ACTR3C: variants seen among roughly 807,000 people sequenced by gnomAD.
The protein encoded by ACTR3C is actin-related protein 3C.
Under a neutral mutation model 26.3 loss-of-function variants are expected in ACTR3C, and 18 were observed. The observed-to-expected ratio is 0.68, with a 90% CI of 0.47 to 1.01. ACTR3C has a LOEUF of 1.01. ACTR3C is among the 50% of genes least tolerant of loss of function. The pLI, the probability that ACTR3C is intolerant of heterozygous loss-of-function variation, is 0.00. For missense variants in ACTR3C, 184 were observed against 250.7 expected, an observed-to-expected ratio of 0.73 and a Z score of 1.80; for synonymous variants, 55 against 94.5, an observed-to-expected ratio of 0.58 and a Z score of 2.42.
chr7:150,014,948 C>T, the ACTR3C span, among the ~76,000 whole-genome samples: 1 of 152,192 alleles, frequency 6.6e-6, no homozygotes, highest in Non-Finnish European at 1.5e-5. Flanking sequence ...GATCAATTTT[C>T]CACCTTTCCC....
the ACTR3C span, among the ~76,000 whole-genome samples, chr7:150,113,488 C>A: frequency 6.6e-6 from 1 of 152,134 alleles, no homozygotes. Context: ...AGTGATTCAA[C>A]GTAAGTAAAT....
At chr7:149,934,346 C>T in the ACTR3C span, among the ~76,000 whole-genome samples, 32 of 152,166 alleles carry the variant, frequency 2.1e-4, no homozygotes, top group African/African-American at 7.5e-4. Flanking sequence ...AGTTTGACTC[C>T]GTACCTGCTG....
At chr7:150,155,809 C>T in the ACTR3C span, among the ~76,000 whole-genome samples, 2 of 143,268 alleles carry the variant, frequency 1.4e-5, no homozygotes, top group African/African-American at 5.3e-5. Flanking sequence ...CCCCTCTCTG[C>T]TCATTCCTCC....
chr7:150,285,422 A>C (rs1253805502), intron 5 of ACTR3C, among the ~76,000 whole-genome samples: 1 of 152,242 alleles, frequency 6.6e-6, no homozygotes, highest in Non-Finnish European at 1.5e-5. Context: ...AACGAATTCA[A>C]CTCAATTACA....
At chr7:150,082,952 T>C in the ACTR3C span, among the ~76,000 whole-genome samples, 23 of 141,230 alleles carry the variant, frequency 1.6e-4, 1 homozygote, top group African/African-American at 6.3e-4. Context: ...TTTTTCTTTT[T>C]TTTTTTTTTT....
chr7:150,032,057 A>G, the ACTR3C span, among the ~76,000 whole-genome samples: 61 of 152,246 alleles, frequency 4.0e-4, no homozygotes, highest in African/African-American at 1.4e-3. Context: ...GGTCTATTTC[A>G]TCTCTGCCTT....
chr7:149,930,920 T>C, the ACTR3C span, among the ~76,000 whole-genome samples: 10 of 152,216 alleles, frequency 6.6e-5, no homozygotes, highest in Non-Finnish European at 1.5e-5. Flanking sequence ...GGCTAGAGTG[T>C]AGTGATGCAA....
At chr7:150,099,325 A>G in the ACTR3C span, among the ~76,000 whole-genome samples, 7 of 152,170 alleles carry the variant, frequency 4.6e-5, no homozygotes, top group African/African-American at 1.7e-4. Context: ...AACAGGGTTT[A>G]CGTACATAAG....
the ACTR3C span, among the ~76,000 whole-genome samples, chr7:150,226,243 G>C: frequency 6.6e-6 from 1 of 152,202 alleles, no homozygotes; most frequent in Non-Finnish European, 1.5e-5. Flanking sequence ...CATATGGTGA[G>C]AGTATGTTTA....
At chr7:150,180,876 T>C in the ACTR3C span, among the ~76,000 whole-genome samples, 1 of 150,562 alleles carries the variant, frequency 6.6e-6, no homozygotes, top group African/African-American at 2.5e-5. Context: ...ATAGTGTTCT[T>C]GTCACCTGAA....
At chr7:149,917,472 T>C in the ACTR3C span, among the ~76,000 whole-genome samples, 4 of 152,182 alleles carry the variant, frequency 2.6e-5, no homozygotes, top group African/African-American at 4.8e-5. Flanking sequence ...GACTTTTCAG[T>C]TCTGCAAAGT....
At chr7:150,290,471 C>G (rs181446519) in intron 3 of ACTR3C, among the ~76,000 whole-genome samples, 3,158 of 152,236 alleles carry the variant, frequency 0.021, 98 homozygotes, top group African/African-American at 0.072. Context: ...CAACGCCCAC[C>G]GCTGGATCAT....
At chr7:150,046,801 T>C in the ACTR3C span, among the ~76,000 whole-genome samples, 1 of 142,064 alleles carries the variant, frequency 7.0e-6, no homozygotes, top group African/African-American at 2.7e-5. Flanking sequence ...CCTGCATGAG[T>C]CATTGGTTAC....
At chr7:150,321,980 A>G (rs527430731) in intron 1 of ACTR3C, among the ~76,000 whole-genome samples, 4 of 152,366 alleles carry the variant, frequency 2.6e-5, no homozygotes, top group African/African-American at 9.6e-5. Context: ...GGAGGTGGAA[A>G]GAAGTTCAAG....
At chr7:149,929,425 CAAAA>C in the ACTR3C span, among the ~76,000 whole-genome samples, 1 of 49,128 alleles carries the variant, frequency 2.0e-5, no homozygotes, top group East Asian at 8.2e-4. Flanking sequence ...AAGATTCTGT[CAAAA>C]AAAAAAAAAA....
chr7:149,908,246 A>T, the ACTR3C span, among the ~76,000 whole-genome samples: 2 of 152,218 alleles, frequency 1.3e-5, no homozygotes, highest in South Asian at 4.1e-4. Flanking sequence ...CCTCCAGACT[A>T]TGATAACATT....
At chr7:149,944,834 A>T in the ACTR3C span, among the ~76,000 whole-genome samples, 1 of 151,290 alleles carries the variant, frequency 6.6e-6, no homozygotes. Flanking sequence ...ACCAAGGCAT[A>T]AAAGAGTCCA....
At chr7:150,057,449 TTTGTATTTTTAGCTGGGG>T in the ACTR3C span, among the ~76,000 whole-genome samples, 13 of 152,078 alleles carry the variant, frequency 8.5e-5, no homozygotes, top group Admixed American at 1.3e-4. Context: ...GCTGGCTAAT[TTTGTATTTTTAGCTGGGG>T]TAGAGACAGG....
At chr7:150,239,894 G>T (rs1832088294), downstream of ACTR3C, among the ~76,000 whole-genome samples, 1 of 151,940 alleles carries the variant, frequency 6.6e-6, no homozygotes. Context: ...TGAGACCACA[G>T]GCAGGCACCA....
Sources: gnomAD v4.1 joint callset for allele counts (sites outside exome capture counted in the v4.1 genomes callset) on GRCh38, gnomAD v4.1.1 for gene constraint, MANE v1.5 for transcripts, NCBI Gene and HGNC (gene_info 2026-07-23, HGNC 2026-07-21) for gene names.